MATN2: variants seen among roughly 807,000 people sequenced by gnomAD.
MATN2 encodes the protein matrilin 2.
MATN2 carries 69 observed loss-of-function variants against 103.2 expected under a neutral mutation model. The observed-to-expected ratio is 0.67, with a 90% CI of 0.55 to 0.82. The LOEUF (loss-of-function observed/expected upper bound fraction) is 0.82. MATN2 is among the 40% of genes least tolerant of loss of function. MATN2 has a pLI of 0.00. For missense variants in MATN2, 1,023 were observed against 1,211.5 expected (o/e 0.84, Z 2.31); for synonymous variants, 429 against 450.2 (o/e 0.95, Z 0.60).
rs550829765 is a variant in MATN2, at chr8:98,018,091, C to T, written c.1794C>T (p.Leu598=). ...YTCECLEGFR[L]AEDGKRCRRK... is the part of the protein sequence containing the mutation. ...GCGAGTGCTTGGAGGGATTCCGGCT[C>T]GCTGAGGATGGGAAACGCTGCCGAA... The change falls in exon 12 of 19, where the codon CTC becomes CTT. Residue 598 remains leucine, a synonymous_variant. Transcript: ENST00000254898. 1.1e-5 allele frequency: 17 copies of T among 1,613,860 alleles called. No individual in the cohort carries two copies. In the East Asian group the frequency reaches 1.6e-4, roughly 15 times the overall value.
chr8:97,898,043 T>C (rs1818868882), intron 2 of MATN2, among the ~76,000 whole-genome samples: 2 of 152,180 alleles, frequency 1.3e-5, no homozygotes, highest in Admixed American at 6.6e-5. Context: ...TTCCTTGATC[T>C]TTCCCTCTCC....
At chr8:98,027,926 A>C (rs2290467) in intron 14 of MATN2, 97 bp downstream of exon 14, 194,971 of 1,319,672 alleles carry the variant, frequency 0.15, 15,721 homozygotes, top group Middle Eastern at 0.19. Flanking sequence ...AGCTTCTTTG[A>C]GTGTACAGAA....
At chr8:97,989,570 G>A (rs1812324653) in intron 6 of MATN2, among the ~76,000 whole-genome samples, 1 of 151,850 alleles carries the variant, frequency 6.6e-6, no homozygotes, top group African/African-American at 2.4e-5. Context: ...GAAAGACAAT[G>A]CTTTCTTTAT....
intron 4 of MATN2, chr8:97,951,896 T>C (rs1238814197): frequency 6.6e-6 from 1 of 152,206 alleles, no homozygotes; most frequent in Non-Finnish European, 1.5e-5. Flanking sequence ...ATTCAACTGC[T>C]GCGGGAAAGG....
chr8:98,028,099 G>A (rs1462171549), intron 14 of MATN2, among the ~76,000 whole-genome samples: 1 of 152,174 alleles, frequency 6.6e-6, no homozygotes, highest in Non-Finnish European at 1.5e-5. Context: ...TGATTTACTA[G>A]CCAGTGTGTG....
chr8:97,870,777 C>A (rs10094310), intron 1 of MATN2, among the ~76,000 whole-genome samples: 54,502 of 151,928 alleles, frequency 0.36, 10,157 homozygotes, highest in Non-Finnish European at 0.42. Context: ...TCCCAAAGGG[C>A]CAACCTCATA....
chr8:97,968,527 A>T (rs1036119417), intron 5 of MATN2, among the ~76,000 whole-genome samples: 1 of 152,024 alleles, frequency 6.6e-6, no homozygotes, highest in African/African-American at 2.4e-5. Context: ...CTGTTTAGAA[A>T]TTTTTTCCAT....
intron 2 of MATN2, among the ~76,000 whole-genome samples, chr8:97,893,561 C>CTTTAT (rs1818705309): frequency 2.1e-5 from 2 of 95,686 alleles, no homozygotes; most frequent in Admixed American, 1.1e-4. Context: ...CCAGAGTATT[C>CTTTAT]TTATTTATTT....
intron 1 of MATN2, among the ~76,000 whole-genome samples, chr8:97,873,370 A>T (rs564702886): frequency 5.6e-5 from 8 of 142,550 alleles, no homozygotes; most frequent in Admixed American, 2.2e-4. Flanking sequence ...TTTTTTTCCC[A>T]GACAGTTTCT....
At chr8:97,949,265 G>T (rs1169967307) in intron 4 of MATN2, among the ~76,000 whole-genome samples, 1 of 151,412 alleles carries the variant, frequency 6.6e-6, no homozygotes, top group African/African-American at 2.4e-5. Flanking sequence ...TGCCTCCTGG[G>T]CCAAGCAATT....
intron 2 of MATN2, among the ~76,000 whole-genome samples, chr8:97,895,262 G>T (rs1818772056): frequency 6.6e-6 from 1 of 152,304 alleles, no homozygotes; most frequent in South Asian, 2.1e-4. Context: ...GGCCTCCTCT[G>T]TGAAGGACGG....
rs561875332 is a variant in MATN2 at position 97,949,784 on chromosome 8, C to T, written c.835+7885C>T. Among the ~76,000 whole-genome samples the T allele has an allele frequency of 5.2e-4, 79 of 152,326 alleles. No homozygotes were observed. In the South Asian group the frequency reaches 9.5e-3, roughly 18 times the overall value. ...GATTAACAGATGAATGGGTGATACA[C>T]TGCAATACACGCATCCTGTATAATA... is the stretch of plus-strand genomic sequence containing the variant. On this transcript the variant is annotated intron_variant, in intron 4 of 18. Transcript: ENST00000254898.
At chr8:98,017,303 A>C (rs534796343) in intron 11 of MATN2, among the ~76,000 whole-genome samples, 1 of 152,362 alleles carries the variant, frequency 6.6e-6, no homozygotes, top group South Asian at 2.1e-4. Context: ...CTTGTGATGA[A>C]GCCAGTTTTG....
chr8:97,904,596 G>C (rs1010037209), intron 2 of MATN2, among the ~76,000 whole-genome samples: 2 of 152,150 alleles, frequency 1.3e-5, no homozygotes, highest in Non-Finnish European at 2.9e-5. Context: ...ATGTGAAAAA[G>C]CCGTACAGTT....
chr8:97,962,549 C>T (rs191700744), intron 5 of MATN2, among the ~76,000 whole-genome samples: 25 of 152,268 alleles, frequency 1.6e-4, no homozygotes, highest in Admixed American at 1.2e-3. Context: ...TGAAAGCAAC[C>T]TCTGCCTCTG....
intron 5 of MATN2, among the ~76,000 whole-genome samples, chr8:97,975,395 A>G (rs548266856): frequency 6.6e-6 from 1 of 152,354 alleles, no homozygotes; most frequent in East Asian, 1.9e-4. Context: ...CAAGCCTTCA[A>G]CACCTCTCTA....
chr8:97,898,507 A>G (rs1383831856), intron 2 of MATN2, among the ~76,000 whole-genome samples: 3 of 151,818 alleles, frequency 2.0e-5, no homozygotes, highest in Non-Finnish European at 4.4e-5. Context: ...CGAGGCAGGA[A>G]AATTACTTGA....
intron 15 of MATN2, among the ~76,000 whole-genome samples, chr8:98,030,842 T>C (rs900806328): frequency 1.3e-5 from 2 of 152,018 alleles, no homozygotes; most frequent in African/African-American, 4.8e-5. Flanking sequence ...TTTGTATTTT[T>C]AGTAGAGATG....
chr8:97,898,961 G>T lies in MATN2; in HGVS notation c.142+10719G>T, dbSNP rs576903147. On this transcript the variant is annotated intron_variant, in intron 2 of 18. Coordinates refer to ENST00000254898, the MANE Select transcript of MATN2 (RefSeq NM_002380.5). ...TGTAAAGACAGGGTTTCACCATGTT[G>T]GCCAGGCTGTTCTCGAACTCCTGAG... 2.6e-5 allele frequency among the ~76,000 whole-genome samples: 4 copies of T among 151,514 alleles called. No individual in the cohort carries two copies. In the East Asian group the frequency reaches 7.8e-4, roughly 29 times the overall value.
Sources: allele counts gnomAD v4.1 joint callset (sites outside exome capture counted in the v4.1 genomes callset), GRCh38; gene constraint gnomAD v4.1.1; transcripts MANE v1.5; gene names NCBI Gene and HGNC (gene_info 2026-07-23, HGNC 2026-07-21).